Variants in EXTL3 observed in about 807,000 individuals in gnomAD.
The protein encoded by EXTL3 is exostosin like glycosyltransferase 3, also known as exostosin-like 3.
Under a neutral mutation model 69.3 loss-of-function variants are expected in EXTL3, and 27 were observed. That is an observed-to-expected ratio of 0.39 (90% CI 0.29 to 0.54). The LOEUF (loss-of-function observed/expected upper bound fraction) is 0.54, where lower values mean the gene tolerates loss of function less well. Among genes scored for constraint, EXTL3 ranks in the 20% least tolerant of loss-of-function variants. EXTL3 has a pLI of 0.69. For missense variants in EXTL3, 1,003 were observed against 1,231.8 expected (o/e 0.81, Z 2.78); for synonymous variants, 511 against 499.4 (o/e 1.02, Z -0.31).
At chr8:28,734,720 CA>C (rs900742013) in intron 4 of EXTL3, among the ~76,000 whole-genome samples, 1 of 151,582 alleles carries the variant, frequency 6.6e-6, no homozygotes, top group Non-Finnish European at 1.5e-5. Context: ...CAAAACAAAA[CA>C]AAAAAAACAC....
At chr8:28,636,822 C>G (rs1201671700) in intron 1 of EXTL3, among the ~76,000 whole-genome samples, 1 of 152,136 alleles carries the variant, frequency 6.6e-6, no homozygotes, top group Non-Finnish European at 1.5e-5. Flanking sequence ...ACCAGCCTGG[C>G]CAACATGGTG....
intron 1 of EXTL3, among the ~76,000 whole-genome samples, chr8:28,625,624 G>C (rs1380988944): frequency 6.6e-6 from 1 of 152,068 alleles, no homozygotes; most frequent in Non-Finnish European, 1.5e-5. Flanking sequence ...AAACACCCTA[G>C]CACAGTTTTA....
At chr8:28,709,819 C>CT (rs1800997405) in intron 1 of EXTL3, among the ~76,000 whole-genome samples, 1 of 152,108 alleles carries the variant, frequency 6.6e-6, no homozygotes, top group Non-Finnish European at 1.5e-5. Context: ...GAGGAGGGCC[C>CT]TGGTACGTGG....
intron 1 of EXTL3, among the ~76,000 whole-genome samples, chr8:28,687,193 C>T (rs956657984): frequency 1.3e-5 from 2 of 152,178 alleles, no homozygotes; most frequent in Admixed American, 6.5e-5. Flanking sequence ...GGGCTGGTTG[C>T]GGTGGCTCAC....
intron 1 of EXTL3, among the ~76,000 whole-genome samples, chr8:28,627,236 C>T (rs145537923): frequency 2.0e-5 from 3 of 151,384 alleles, no homozygotes; most frequent in Admixed American, 2.0e-4. Context: ...TGAGGCTGGG[C>T]GCAGTGGCTC....
At chr8:28,734,332 C>T (rs1801601792) in intron 4 of EXTL3, among the ~76,000 whole-genome samples, 1 of 152,186 alleles carries the variant, frequency 6.6e-6, no homozygotes, top group Non-Finnish European at 1.5e-5. Flanking sequence ...ATTTAAGAAA[C>T]CAGGCAGTTC....
intron 6 of EXTL3, among the ~76,000 whole-genome samples, chr8:28,748,846 A>G (rs1219932755): frequency 1.3e-5 from 2 of 152,126 alleles, no homozygotes; most frequent in African/African-American, 4.8e-5. Context: ...AGATGGCTCA[A>G]GTCTGTAATC....
chr8:28,635,190 C>G (rs767186099), intron 1 of EXTL3, among the ~76,000 whole-genome samples: 3 of 151,948 alleles, frequency 2.0e-5, no homozygotes, highest in Non-Finnish European at 4.4e-5. Context: ...AACGTTCCTG[C>G]CTGGGCTTTT....
intron 4 of EXTL3, among the ~76,000 whole-genome samples, chr8:28,732,349 C>G (rs571197583): frequency 6.6e-6 from 1 of 152,250 alleles, no homozygotes; most frequent in East Asian, 1.9e-4. Context: ...CTATGAAATC[C>G]AAGTATATGA....
intron 1 of EXTL3, among the ~76,000 whole-genome samples, chr8:28,679,574 C>T (rs189697986): frequency 1.7e-4 from 26 of 152,060 alleles, no homozygotes; most frequent in African/African-American, 5.1e-4. Flanking sequence ...CCTGTTTCTA[C>T]AAAAAACTAA....
intron 5 of EXTL3, chr8:28,740,785 AT>A (rs1801761320): frequency 6.6e-6 from 1 of 152,104 alleles, no homozygotes; most frequent in African/African-American, 2.4e-5. Flanking sequence ...ACTGATAGAT[AT>A]TTTTTAGAGG....
intron 1 of EXTL3, among the ~76,000 whole-genome samples, chr8:28,648,892 G>A (rs1250446138): frequency 6.6e-6 from 1 of 151,666 alleles, no homozygotes; most frequent in Non-Finnish European, 1.5e-5. Flanking sequence ...GGTTTGTTTT[G>A]GTTTGTTTGT....
chr8:28,655,489 CTTT>C (rs60021378), intron 1 of EXTL3, among the ~76,000 whole-genome samples: 9 of 130,976 alleles, frequency 6.9e-5, no homozygotes, highest in Non-Finnish European at 8.0e-5. Flanking sequence ...AAAAATCTTC[CTTT>C]TTTTTTTTTT....
At chr8:28,617,849 G>A (rs775409920), upstream of EXTL3, among the ~76,000 whole-genome samples, 8 of 152,060 alleles carry the variant, frequency 5.3e-5, no homozygotes, top group Middle Eastern at 3.2e-3. Context: ...GCTACAACAC[G>A]GATGAACTTT....
chr8:28,683,485 A>G (rs1205824184), intron 1 of EXTL3, among the ~76,000 whole-genome samples: 6 of 152,222 alleles, frequency 3.9e-5, no homozygotes, highest in Admixed American at 1.3e-4. Context: ...AAACAATCCA[A>G]TTATACTCTT....
chr8:28,665,063 CTTTT>C (rs1222832851), intron 1 of EXTL3, among the ~76,000 whole-genome samples: 6 of 62,398 alleles, frequency 9.6e-5, no homozygotes, highest in African/African-American at 2.1e-4. Flanking sequence ...TTTTCCTTTA[CTTTT>C]TTTTTTTTTT....
intron 1 of EXTL3, among the ~76,000 whole-genome samples, chr8:28,630,595 C>T (rs1806557727): frequency 6.6e-6 from 1 of 152,220 alleles, no homozygotes; most frequent in Non-Finnish European, 1.5e-5. Context: ...GTTACGTTTC[C>T]TCATCTGTAA....
At chr8:28,711,681 T>G (rs1242703954) in intron 1 of EXTL3, among the ~76,000 whole-genome samples, 2 of 152,228 alleles carry the variant, frequency 1.3e-5, no homozygotes, top group African/African-American at 4.8e-5. Flanking sequence ...TCTCTGTAGT[T>G]TATAATGTAT....
In EXTL3 at chr8:28,718,136, G is replaced by A. The variant is rs1018298399; in HGVS notation, c.2077G>A (p.Val693Met). ...TGGCCTCCCTTACCTGAACAAGGTC[G>A]TGGTGGTGTGGAATTCTCCCAAGCT... is the stretch of plus-strand genomic sequence containing the variant. The part of the protein sequence containing the change: ...LNGLPYLNKV[V>M]VVWNSPKLPS... Residue 693 changes from valine to methionine, a missense_variant, in exon 3 of 7, where the codon GTG (valine) becomes ATG (methionine). Around this residue, in one of 2 missense-constraint regions of EXTL3, gnomAD observed 261 missense variants for 416.4 expected, o/e 0.63. Transcript: ENST00000220562. 62 of 1,614,030 alleles carry A rather than the reference G, an allele frequency of 3.8e-5. No individual in the cohort carries two copies. The highest frequency in any genetic ancestry group is 4.7e-5 in the Non-Finnish European group (56 of 1,180,028).
Sources: gnomAD v4.1 joint callset for allele counts (sites outside exome capture counted in the v4.1 genomes callset) on GRCh38, gnomAD v4.1.1 for gene constraint, gnomAD v4.1.1 regional missense constraint, MANE v1.5 for transcripts, NCBI Gene and HGNC (gene_info 2026-07-23, HGNC 2026-07-21) for gene names.